The following CLASP2 variants were observed in gnomAD, a reference collection of about 807,000 sequenced individuals.
The protein encoded by CLASP2 is CLIP-associating protein 2.
Under a neutral mutation model 194.4 loss-of-function variants are expected in CLASP2, and 47 were observed. That is an observed-to-expected ratio of 0.24 (90% confidence interval 0.19 to 0.31). The LOEUF (loss-of-function observed/expected upper bound fraction) is 0.31, where lower values mean the gene tolerates loss of function less well. CLASP2 is among the 10% of genes least tolerant of loss of function. The pLI is 1.00. For missense variants in CLASP2, 1,445 were observed against 1,823.6 expected, an observed-to-expected ratio of 0.79 and a Z score of 3.78; for synonymous variants, 619 against 633.5, an observed-to-expected ratio of 0.98 and a Z score of 0.34.
At chr3:33,516,224 C>A in intron 35 of CLASP2, 73 bp from the exon 36 acceptor site, 2 of 1,392,824 alleles carry the variant, frequency 1.4e-6, no homozygotes, top group Admixed American at 2.5e-5. Flanking sequence ...ATTTTTGTAA[C>A]TTAAGGGTCT....
chr3:33,536,762 G>C (rs1045905875), intron 33 of CLASP2, among the ~76,000 whole-genome samples: 2 of 152,200 alleles, frequency 1.3e-5, no homozygotes, highest in South Asian at 2.1e-4. Context: ...AAAGGCAGTG[G>C]TGAGAATAGG....
At chr3:33,717,426 T>C (rs2093348341) in intron 1 of CLASP2, among the ~76,000 whole-genome samples, 3 of 152,118 alleles carry the variant, frequency 2.0e-5, no homozygotes, top group South Asian at 4.2e-4. Context: ...CCTATTTTTA[T>C]TTATTTTTTA....
At chr3:33,519,582 G>C in intron 34 of CLASP2, among the ~76,000 whole-genome samples, 1 of 152,152 alleles carries the variant, frequency 6.6e-6, no homozygotes, top group East Asian at 1.9e-4. Context: ...TGTTAACAAT[G>C]TTCATAATAA....
At chr3:33,663,019 G>A (rs2085534114) in intron 7 of CLASP2, among the ~76,000 whole-genome samples, 2 of 151,798 alleles carry the variant, frequency 1.3e-5, no homozygotes, top group Non-Finnish European at 2.9e-5. Context: ...ATAGTCTCTT[G>A]ATCTATTATA....
intron 6 of CLASP2, among the ~76,000 whole-genome samples, chr3:33,668,319 T>C (rs929151098): frequency 4.6e-5 from 7 of 152,236 alleles, no homozygotes; most frequent in African/African-American, 1.7e-4. Context: ...TGATATAAAT[T>C]TAAGAGTGGG....
At chr3:33,591,948 C>T (rs937377122) in intron 21 of CLASP2, among the ~76,000 whole-genome samples, 1 of 152,090 alleles carries the variant, frequency 6.6e-6, no homozygotes, top group Admixed American at 6.5e-5. Context: ...GATTTTGATG[C>T]TAATATATGG....
At chr3:33,577,379 A>T in intron 23 of CLASP2, 1 of 780,418 alleles carries the variant, frequency 1.3e-6, no homozygotes, top group Non-Finnish European at 2.1e-6. Context: ...TTTATAGTTA[A>T]TGATCAGAGT....
chr3:33,551,733 C>T (rs1175514768), intron 29 of CLASP2, among the ~76,000 whole-genome samples: 1 of 152,144 alleles, frequency 6.6e-6, no homozygotes, highest in Non-Finnish European at 1.5e-5. Context: ...TTTCATTCCC[C>T]AAGTTTGAAC....
At chr3:33,625,413 T>G (rs955300820) in intron 10 of CLASP2, among the ~76,000 whole-genome samples, 1 of 151,920 alleles carries the variant, frequency 6.6e-6, no homozygotes, top group Admixed American at 6.6e-5. Context: ...CTAAGGAATA[T>G]ATGTACATAT....
chr3:33,595,610 A>AT (rs1318809460), intron 19 of CLASP2, among the ~76,000 whole-genome samples: 3 of 151,970 alleles, frequency 2.0e-5, no homozygotes, highest in African/African-American at 7.2e-5. Context: ...ACGTCTGTGT[A>AT]TTTTTTTTAA....
intron 12 of CLASP2, among the ~76,000 whole-genome samples, chr3:33,617,041 T>C (rs181288802): frequency 6.6e-6 from 1 of 150,756 alleles, no homozygotes; most frequent in East Asian, 1.9e-4. Flanking sequence ...CTATATTTTC[T>C]AACATTGTTA....
chr3:33,696,905 C>A lies in CLASP2; in HGVS notation c.224G>T (p.Ser75Ile). 6.3e-7 allele frequency: 1 copy of A among 1,595,160 alleles called. No individual in the cohort carries two copies. Among genetic ancestry groups the A allele is most frequent in the East Asian group, 2.3e-5 (1 of 44,416 alleles). The change falls in exon 2 of 39, where the codon AGT (serine) becomes ATT (isoleucine). Residue 75 changes from serine to isoleucine, a missense_variant. Physicochemically the swap from Ser to Ile is moderately radical, Grantham distance 142. This residue lies in a region of CLASP2 where 332 missense variants were observed against 325.3 expected (regional missense o/e 1.02). Coordinates refer to ENST00000682230, the MANE Select transcript of CLASP2 (RefSeq NM_001365631.1). ...RVSLMGLEIL[S>I]AFVDRLSTRF... ...TGTTGATAATCTGTCCACAAAGGCA[C>A]TTAAAATTTCCAATCCCATTAATGA... is the stretch of plus-strand genomic sequence containing the variant.
At chr3:33,644,687 G>A in intron 8 of CLASP2, 70 bp downstream of exon 8, 2 of 1,532,718 alleles carry the variant, frequency 1.3e-6, no homozygotes, top group Non-Finnish European at 1.8e-6. Context: ...TTCCTCTGAA[G>A]TTCCAAGTAT....
intron 9 of CLASP2, among the ~76,000 whole-genome samples, chr3:33,629,366 C>A (rs2078643215): frequency 6.6e-6 from 1 of 152,114 alleles, no homozygotes; most frequent in Non-Finnish European, 1.5e-5. Flanking sequence ...GGTGGAGGTG[C>A]TGGCCCTTGA....
At chr3:33,537,699 C>G (rs2057623702) in intron 33 of CLASP2, among the ~76,000 whole-genome samples, 1 of 151,990 alleles carries the variant, frequency 6.6e-6, no homozygotes, top group African/African-American at 2.4e-5. Flanking sequence ...TACTTGCATA[C>G]AAGAGAAATA....
chr3:33,552,145 A>T (rs1262845305), intron 29 of CLASP2, among the ~76,000 whole-genome samples: 1 of 148,400 alleles, frequency 6.7e-6, no homozygotes, highest in Non-Finnish European at 1.5e-5. Flanking sequence ...TTGAGACAGA[A>T]TCTCACCCTG....
chr3:33,618,382 C>T (rs2076560971), intron 12 of CLASP2, among the ~76,000 whole-genome samples: 1 of 152,120 alleles, frequency 6.6e-6, no homozygotes. Context: ...TGATGGCTCA[C>T]GCCTGTAATC....
intron 1 of CLASP2, among the ~76,000 whole-genome samples, chr3:33,713,012 CAAAAAAA>C (rs57940200): frequency 0.047 from 2,221 of 46,910 alleles, 45 homozygotes; most frequent in African/African-American, 0.14. Flanking sequence ...AACTCCACCT[CAAAAAAA>C]AAAAAAAAAA....
intron 37 of CLASP2, among the ~76,000 whole-genome samples, chr3:33,505,733 A>G (rs1166351115): frequency 6.6e-6 from 1 of 152,230 alleles, no homozygotes; most frequent in Non-Finnish European, 1.5e-5. Flanking sequence ...ACTAGACATT[A>G]TGTGTCATTC....
Sources: allele counts gnomAD v4.1 joint callset (sites outside exome capture counted in the v4.1 genomes callset), GRCh38; gene constraint gnomAD v4.1.1; regional missense constraint gnomAD v4.1.1; transcripts MANE v1.5; gene names NCBI Gene and HGNC (gene_info 2026-07-23, HGNC 2026-07-21).